The following NPAS2 variants were observed in gnomAD, a reference collection of about 807,000 sequenced individuals.
The protein encoded by NPAS2 is neuronal PAS domain protein 2, also known as neuronal PAS domain-containing protein 2.
Under a neutral mutation model 107.5 loss-of-function variants are expected in NPAS2, and 23 were observed. The observed-to-expected ratio is 0.21, with a 90% confidence interval of 0.15 to 0.30. The LOEUF is 0.30. Among genes scored for constraint, NPAS2 ranks in the 10% least tolerant of loss-of-function variants. The pLI, the probability that NPAS2 is intolerant of heterozygous loss-of-function variation, is 1.00. For missense variants in NPAS2, 756 were observed against 1,043.3 expected, an observed-to-expected ratio of 0.72 and a Z score of 3.79; for synonymous variants, 403 against 417.5, an observed-to-expected ratio of 0.97 and a Z score of 0.42.
chr2:100,903,201 G>T (rs1681901610), intron 1 of NPAS2, among the ~76,000 whole-genome samples: 1 of 152,186 alleles, frequency 6.6e-6, no homozygotes, highest in Non-Finnish European at 1.5e-5. Flanking sequence ...ATGCCCTGGG[G>T]CTTTGATCAG....
At chr2:100,901,273 G>T (rs1200472452) in intron 1 of NPAS2, among the ~76,000 whole-genome samples, 4 of 152,128 alleles carry the variant, frequency 2.6e-5, no homozygotes, top group Non-Finnish European at 4.4e-5. Context: ...CAATACGGTT[G>T]TCACTCATTT....
chr2:100,866,208 A>G (rs1679242630), intron 1 of NPAS2, among the ~76,000 whole-genome samples: 1 of 152,188 alleles, frequency 6.6e-6, no homozygotes, highest in African/African-American at 2.4e-5. Flanking sequence ...ACAGTTGATC[A>G]GGGCAAAGCA....
At chr2:100,892,420 T>G (rs190507093) in intron 1 of NPAS2, among the ~76,000 whole-genome samples, 9 of 152,062 alleles carry the variant, frequency 5.9e-5, no homozygotes, top group African/African-American at 2.2e-4. Flanking sequence ...AGCTTCAGCT[T>G]GGTTTTTTAG....
chr2:100,877,478 A>G (rs1330368434), intron 1 of NPAS2, among the ~76,000 whole-genome samples: 1 of 150,028 alleles, frequency 6.7e-6, no homozygotes, highest in Non-Finnish European at 1.5e-5. Context: ...GAAATGGTTG[A>G]AATAAGAGAG....
upstream of NPAS2, chr2:100,820,062 G>A (rs1675977881): frequency 6.6e-6 from 1 of 150,618 alleles, no homozygotes; most frequent in Admixed American, 6.6e-5. This position sits in a 1 kb window ranked among gnomAD's most constrained non-coding sequence, Gnocchi z 5.6. Context: ...GTAGGAGGGG[G>A]AGGTGGAGAG....
At chr2:100,898,653 A>T (rs780960877) in intron 1 of NPAS2, among the ~76,000 whole-genome samples, 1 of 152,216 alleles carries the variant, frequency 6.6e-6, no homozygotes. Flanking sequence ...AATGTAAAGC[A>T]ATGGCTCCAA....
intron 1 of NPAS2, among the ~76,000 whole-genome samples, chr2:100,834,490 A>T (rs1273425365): frequency 6.6e-6 from 1 of 152,140 alleles, no homozygotes; most frequent in Non-Finnish European, 1.5e-5. Context: ...CGGACATCTG[A>T]CTTTTTTCAG....
At chr2:100,882,473 TA>T (rs1279774065) in intron 1 of NPAS2, among the ~76,000 whole-genome samples, 4 of 151,906 alleles carry the variant, frequency 2.6e-5, no homozygotes, top group Admixed American at 6.6e-5. Context: ...TAGCCGGGCG[TA>T]GGTGGTGCAT....
intron 1 of NPAS2, among the ~76,000 whole-genome samples, chr2:100,888,589 G>T (rs148368205): frequency 1.5e-3 from 233 of 152,188 alleles, no homozygotes; most frequent in African/African-American, 5.5e-3. Context: ...TTGCTATATT[G>T]CTGCCTGTGA....
intron 1 of NPAS2, among the ~76,000 whole-genome samples, chr2:100,841,022 G>A (rs535823933): frequency 6.6e-5 from 10 of 152,144 alleles, no homozygotes; most frequent in African/African-American, 2.2e-4. Context: ...TGTACAGTGG[G>A]GATAATTGTA....
chr2:100,977,855 G>GCACA, intron 15 of NPAS2, 56 bp downstream of exon 15: 2 of 1,437,104 alleles, frequency 1.4e-6, no homozygotes, highest in Non-Finnish European at 2.0e-6. Flanking sequence ...TCCGCAGTGT[G>GCACA]CTGCGCTGAT....
At chr2:100,990,642 C>T in intron 18 of NPAS2, 138 bp from the exon 19 acceptor site, 1 of 1,005,252 alleles carries the variant, frequency 9.9e-7, no homozygotes, top group Non-Finnish European at 1.5e-6. Context: ...GTCCATCATC[C>T]TCAGAGAATG....
At position 100,979,504 on chromosome 2, in the gene NPAS2, T is replaced by TA. The variant is rs1558935515; in HGVS notation, c.1482+1705_1482+1706insA. On this transcript the variant is annotated intron_variant, in intron 15 of 20. Coordinates refer to ENST00000335681, the MANE Select transcript of NPAS2 (RefSeq NM_002518.4). ...ACTATATATATATATATATATATAT[T>TA]TTTTTTTTTTTTTTTTTTTTTTTTC... Among the ~76,000 whole-genome samples, 195 of 40,350 alleles carry TA rather than the reference T, an allele frequency of 4.8e-3. 1 individual carries two copies. The highest frequency in any genetic ancestry group is 0.013 in the African/African-American group (101 of 8,008). 26.5% of individuals were successfully genotyped at this position (40,350 alleles called of 152,430 possible).
At chr2:100,883,459 G>A (rs967896926) in intron 1 of NPAS2, among the ~76,000 whole-genome samples, 10 of 152,152 alleles carry the variant, frequency 6.6e-5, no homozygotes, top group Non-Finnish European at 1.3e-4. Flanking sequence ...GCCACACACG[G>A]TAGCAGCATA....
At chr2:100,826,841 C>T (rs1033095000) in intron 1 of NPAS2, among the ~76,000 whole-genome samples, 3 of 152,230 alleles carry the variant, frequency 2.0e-5, no homozygotes, top group Admixed American at 1.3e-4. Context: ...CATATCTTAA[C>T]TAACACAAGA....
At chr2:100,904,368 T>G (rs1681996622) in intron 1 of NPAS2, among the ~76,000 whole-genome samples, 1 of 152,220 alleles carries the variant, frequency 6.6e-6, no homozygotes, top group Non-Finnish European at 1.5e-5. Context: ...GGTCAAGACA[T>G]TTTTTCAAAA....
intron 2 of NPAS2, among the ~76,000 whole-genome samples, chr2:100,907,812 T>A (rs1162059479): frequency 1.3e-5 from 2 of 152,160 alleles, no homozygotes; most frequent in African/African-American, 4.8e-5. Context: ...TCCATGTAAA[T>A]CCAGGGAGTA....
At chr2:100,929,289 T>G (rs1012914180) in intron 3 of NPAS2, among the ~76,000 whole-genome samples, 6 of 152,012 alleles carry the variant, frequency 3.9e-5, no homozygotes, top group African/African-American at 1.5e-4. Context: ...GCCAGGAAAA[T>G]GTGGAATCTA....
intron 2 of NPAS2, among the ~76,000 whole-genome samples, chr2:100,922,441 G>A (rs1337158441): frequency 6.6e-6 from 1 of 152,032 alleles, no homozygotes; most frequent in African/African-American, 2.4e-5. Flanking sequence ...AAATTAGCCG[G>A]GTGTGGTGGT....
Sources: allele counts gnomAD v4.1 joint callset (sites outside exome capture counted in the v4.1 genomes callset), GRCh38; gene constraint gnomAD v4.1.1; non-coding constraint Gnocchi (gnomAD v3.1); transcripts MANE v1.5; gene names NCBI Gene and HGNC (gene_info 2026-07-23, HGNC 2026-07-21).